ATG10: variants seen among roughly 807,000 people sequenced by gnomAD.
ATG10 encodes autophagy related 10.
In ATG10, 30 loss-of-function variants were observed where a neutral mutation model predicts 32.1. That is an observed-to-expected ratio of 0.94 (90% CI 0.70 to 1.27). ATG10 has a LOEUF of 1.27. Ranked by LOEUF, ATG10 falls within the 50% of genes most tolerant of loss-of-function variation. The pLI is 0.00. For synonymous variants in ATG10, 87 were observed against 91.5 expected, an observed-to-expected ratio of 0.95 and a Z score of 0.28; for missense variants, 233 against 262.3, an observed-to-expected ratio of 0.89 and a Z score of 0.77.
At chr5:82,170,333 C>A (rs1205071539) in intron 4 of ATG10, among the ~76,000 whole-genome samples, 1 of 152,184 alleles carries the variant, frequency 6.6e-6, no homozygotes, top group Non-Finnish European at 1.5e-5. Context: ...TCATTAGCCT[C>A]TTTTTAAAAT....
At chr5:82,195,289 T>C (rs1053411998) in intron 5 of ATG10, among the ~76,000 whole-genome samples, 2 of 152,204 alleles carry the variant, frequency 1.3e-5, no homozygotes, top group East Asian at 3.8e-4. Flanking sequence ...ACCTCTCTAA[T>C]CATACCAAAC....
chr5:82,075,260 TA>T (rs1764239924), intron 3 of ATG10, among the ~76,000 whole-genome samples: 1 of 152,024 alleles, frequency 6.6e-6, no homozygotes, highest in Non-Finnish European at 1.5e-5. Flanking sequence ...GAAAATACCA[TA>T]AGGGCAAGAT....
chr5:82,224,773 A>G (rs2149997586), intron 5 of ATG10, among the ~76,000 whole-genome samples: 1 of 152,336 alleles, frequency 6.6e-6, no homozygotes, highest in South Asian at 2.1e-4. Context: ...TTCAGTTTCT[A>G]AAGAAATCCA....
At chr5:82,032,605 G>T (rs1353679959) in intron 2 of ATG10, among the ~76,000 whole-genome samples, 1 of 151,902 alleles carries the variant, frequency 6.6e-6, no homozygotes, top group East Asian at 1.9e-4. Context: ...AAATATATAT[G>T]ATAAACTGTT....
Position 82,190,398 on chromosome 5 carries a change from A to G in ATG10, c.453+11811A>G, listed in dbSNP as rs188429703. 5.2e-3 allele frequency among the ~76,000 whole-genome samples: 793 copies of G among 151,912 alleles called. 6 individuals are homozygous for G. The highest frequency in any genetic ancestry group is 0.018 in the African/African-American group (747 of 41,440). The stretch of plus-strand genomic sequence containing the variant: ...CACATGCAAATGAATCATACTATGC[A>G]CCCTTTTATTTTGAAATTTACATCA... On this transcript the variant is annotated intron_variant, in intron 5 of 7. Coordinates refer to ENST00000282185, the MANE Select transcript of ATG10 (RefSeq NM_031482.5).
chr5:82,086,265 A>C (rs1764687655), intron 3 of ATG10, among the ~76,000 whole-genome samples: 1 of 152,234 alleles, frequency 6.6e-6, no homozygotes, highest in Admixed American at 6.5e-5. Flanking sequence ...AGTGGATTCT[A>C]CAAAGAGAAA....
At chr5:81,983,160 G>A (rs1302555435) in intron 1 of ATG10, among the ~76,000 whole-genome samples, 1 of 151,420 alleles carries the variant, frequency 6.6e-6, no homozygotes, top group Non-Finnish European at 1.5e-5. Flanking sequence ...CCTCCTGGAC[G>A]GGGCGGCTGG....
At chr5:82,089,939 A>G (rs539829955) in intron 3 of ATG10, among the ~76,000 whole-genome samples, 81 of 152,276 alleles carry the variant, frequency 5.3e-4, no homozygotes, top group African/African-American at 1.9e-3. Context: ...AAAAGACTCA[A>G]AGAGTCACTG....
Position 82,170,845 on chromosome 5 carries a change from G to A in ATG10, c.355+6308G>A, listed in dbSNP as rs933858017. On this transcript the variant is annotated intron_variant, in intron 4 of 7. Coordinates refer to ENST00000282185, the MANE Select transcript of ATG10 (RefSeq NM_031482.5). Reference sequence around the variant, plus strand: ...CGCCTGTACTCCCAGCTACTTGGGAGGGTGGGGTGGAAAATCGCTTGAACC... The same window carrying A: ...CGCCTGTACTCCCAGCTACTTGGGAAGGTGGGGTGGAAAATCGCTTGAACC... Among the ~76,000 whole-genome samples, 4 of 152,248 alleles carry A rather than the reference G, an allele frequency of 2.6e-5. No homozygotes were observed. The East Asian group carries it at 7.7e-4, about 29-fold the overall frequency.
At chr5:82,227,597 A>G (rs1746184977) in intron 5 of ATG10, among the ~76,000 whole-genome samples, 1 of 152,042 alleles carries the variant, frequency 6.6e-6, no homozygotes, top group South Asian at 2.1e-4. Context: ...GATGGTCTCG[A>G]ACTCCCAACC....
rs535143252 is a variant in ATG10, at chr5:82,065,620, A to C, written c.216+7018A>C. Reference sequence around the variant, plus strand: ...TTGATACTACCATATCACTTTATCAATTTATGATTTTTTTTGTATTTAATT... The same window carrying C: ...TTGATACTACCATATCACTTTATCACTTTATGATTTTTTTTGTATTTAATT... On this transcript the variant is annotated intron_variant, in intron 3 of 7. Coordinates refer to ENST00000282185, the MANE Select transcript of ATG10 (RefSeq NM_031482.5). 2.0e-5 allele frequency among the ~76,000 whole-genome samples: 3 copies of C among 152,254 alleles called. No individual in the cohort carries two copies. The East Asian group carries it at 5.8e-4, about 29-fold the overall frequency.
intron 3 of ATG10, among the ~76,000 whole-genome samples, chr5:82,129,221 G>A (rs1218337522): frequency 6.6e-6 from 1 of 151,770 alleles, no homozygotes; most frequent in Non-Finnish European, 1.5e-5. Context: ...TCTCTAAACT[G>A]GTTATTCTAG....
chr5:82,101,662 G>GC (rs1018710809), intron 3 of ATG10, among the ~76,000 whole-genome samples: 1 of 152,260 alleles, frequency 6.6e-6, no homozygotes, highest in East Asian at 1.9e-4. Flanking sequence ...AGTTTCATCT[G>GC]CCCCAAATTC....
At chr5:82,198,321 C>T (rs1333328337) in intron 5 of ATG10, among the ~76,000 whole-genome samples, 2 of 152,142 alleles carry the variant, frequency 1.3e-5, no homozygotes, top group Non-Finnish European at 2.9e-5. Flanking sequence ...GTGACAGGAT[C>T]GTGGCTCACT....
At chr5:82,195,300 T>A (rs376505700) in intron 5 of ATG10, among the ~76,000 whole-genome samples, 1 of 152,216 alleles carries the variant, frequency 6.6e-6, no homozygotes, top group Non-Finnish European at 1.5e-5. Flanking sequence ...CATACCAAAC[T>A]CTTTTTAGCC....
intron 1 of ATG10, among the ~76,000 whole-genome samples, chr5:81,985,793 C>T (rs571642520): frequency 6.6e-6 from 1 of 152,252 alleles, no homozygotes; most frequent in Non-Finnish European, 1.5e-5. Context: ...GACGGAGTGT[C>T]GCTCTGTCGC....
At chr5:82,211,042 A>C (rs1432729958) in intron 5 of ATG10, among the ~76,000 whole-genome samples, 1 of 152,200 alleles carries the variant, frequency 6.6e-6, no homozygotes, top group East Asian at 1.9e-4. Flanking sequence ...TTAATTTAGA[A>C]GTTTAATTAG....
chr5:82,038,481 G>T (rs1418096325), intron 2 of ATG10, among the ~76,000 whole-genome samples: 2 of 152,226 alleles, frequency 1.3e-5, no homozygotes, highest in African/African-American at 4.8e-5. Context: ...TTGCACATGT[G>T]TGAAGCTGGT....
intron 3 of ATG10, among the ~76,000 whole-genome samples, chr5:82,091,537 G>C (rs551662115): frequency 6.6e-6 from 1 of 152,258 alleles, no homozygotes; most frequent in Admixed American, 6.5e-5. Flanking sequence ...TTTTAACAGA[G>C]ATCTTCTTAA....
Sources: allele counts gnomAD v4.1 joint callset (sites outside exome capture counted in the v4.1 genomes callset), GRCh38; gene constraint gnomAD v4.1.1; transcripts MANE v1.5; gene names NCBI Gene and HGNC (gene_info 2026-07-23, HGNC 2026-07-21).